Variants in RGS12 observed in about 807,000 individuals in gnomAD.
RGS12 encodes regulator of G-protein signaling 12.
Under a neutral mutation model 120.1 loss-of-function variants are expected in RGS12, and 66 were observed. That is an observed-to-expected ratio of 0.55 (90% CI 0.45 to 0.67). The LOEUF (loss-of-function observed/expected upper bound fraction) is 0.67, where lower values mean the gene tolerates loss of function less well. Ranked by LOEUF, RGS12 falls within the 30% of genes least tolerant of loss-of-function variation. The pLI is 0.00. For missense variants in RGS12, 1,859 were observed against 1,957.7 expected, an observed-to-expected ratio of 0.95 and a Z score of 0.95; for synonymous variants, 827 against 804.7, an observed-to-expected ratio of 1.03 and a Z score of -0.47.
intron 3 of RGS12, among the ~76,000 whole-genome samples, chr4:3,368,952 G>A (rs74322875): frequency 0.025 from 3,788 of 152,220 alleles, 155 homozygotes; most frequent in African/African-American, 0.082. Flanking sequence ...AAGTGGGTGG[G>A]GCCATGGTAG....
intron 3 of RGS12, among the ~76,000 whole-genome samples, chr4:3,364,488 C>A (rs1439427780): frequency 6.6e-6 from 1 of 152,080 alleles, no homozygotes; most frequent in Non-Finnish European, 1.5e-5. Context: ...AACGTCCTGC[C>A]TTTGGGAGCT....
At chr4:3,429,416 T>C (rs1343660742) in intron 16 of RGS12, among the ~76,000 whole-genome samples, 5 of 152,208 alleles carry the variant, frequency 3.3e-5, no homozygotes, top group African/African-American at 1.2e-4. Flanking sequence ...CAGCTGGCTG[T>C]GGAGTCTGAC....
At chr4:3,335,148 T>A (rs1712301227) in intron 2 of RGS12, among the ~76,000 whole-genome samples, 1 of 152,218 alleles carries the variant, frequency 6.6e-6, no homozygotes, top group South Asian at 2.1e-4. Flanking sequence ...CTTAAATGTC[T>A]TTTCATGTGT....
chr4:3,316,178 G>C lies in RGS12; in HGVS notation c.8G>C (p.Arg3Thr). 1.3e-6 allele frequency: 2 copies of C among 1,561,984 alleles called. No individual in the cohort carries two copies. Among genetic ancestry groups the C allele is most frequent in the Non-Finnish European group, 1.7e-6 (2 of 1,153,840 alleles). MFRAGEASKRPLP... is the reference protein window; with the variant it reads MFTAGEASKRPLP... The stretch of plus-strand genomic sequence containing the variant: ...TCTTGGAAGCTCATCAGAATGTTTA[G>C]AGCTGGGGAGGCCTCCAAACGCCCA... The change falls in exon 2 of 18, where the codon AGA (arginine) becomes ACA (threonine). Residue 3 changes from arginine to threonine, a missense_variant. Arg to Thr is a moderately conservative substitution (Grantham distance 71, BLOSUM62 -1). Transcript: ENST00000336727.
At chr4:3,310,879 G>A (rs17181428) in intron 1 of RGS12, among the ~76,000 whole-genome samples, 4,470 of 152,274 alleles carry the variant, frequency 0.029, 76 homozygotes, top group Non-Finnish European at 0.047. Context: ...GTAAGTGTGG[G>A]TAAGCCAAGA....
intron 10 of RGS12, 112 bp from the exon 11 acceptor site, chr4:3,422,264 G>A (rs1465761222): frequency 1.8e-5 from 19 of 1,056,534 alleles, no homozygotes; most frequent in Non-Finnish European, 2.6e-5. Flanking sequence ...ACCGTGGCAG[G>A]GCGCCAGCCT....
At chr4:3,331,760 A>G (rs79491587) in intron 2 of RGS12, among the ~76,000 whole-genome samples, 5,814 of 152,256 alleles carry the variant, frequency 0.038, 286 homozygotes, top group African/African-American at 0.12. Flanking sequence ...ATCCCCAGCG[A>G]AAGGAAGGGA....
chr4:3,328,080 C>T lies in RGS12; in HGVS notation c.1881+10029C>T, dbSNP rs540078256. Among the ~76,000 whole-genome samples, 6 of 152,344 alleles carry T rather than the reference C, an allele frequency of 3.9e-5. No individual in the cohort carries two copies. In the South Asian group the frequency reaches 1.2e-3, roughly 32 times the overall value. Reference sequence around the variant, plus strand: ...AGCCATCAAAAGAATGAAATCTTGTCTTTCACAGCCACATGGATGGAATTG... The same window carrying T: ...AGCCATCAAAAGAATGAAATCTTGTTTTTCACAGCCACATGGATGGAATTG... On this transcript the variant is annotated intron_variant, in intron 2 of 17. Coordinates refer to ENST00000336727, the MANE Select transcript of RGS12 (RefSeq NM_001394154.1).
chr4:3,368,866 C>T (rs1386484243), intron 3 of RGS12, among the ~76,000 whole-genome samples: 3 of 152,040 alleles, frequency 2.0e-5, no homozygotes, highest in East Asian at 1.9e-4. Context: ...CTGGTCTATA[C>T]GTGCTCCGCC....
intron 17 of RGS12, among the ~76,000 whole-genome samples, chr4:3,438,150 C>T: frequency 6.6e-6 from 1 of 152,134 alleles, no homozygotes; most frequent in East Asian, 1.9e-4. Context: ...GCTCTTCCTG[C>T]CTCCTGTCTG....
At chr4:3,340,845 A>G (rs1024549849) in intron 2 of RGS12, among the ~76,000 whole-genome samples, 4 of 152,128 alleles carry the variant, frequency 2.6e-5, no homozygotes, top group Non-Finnish European at 4.4e-5. Context: ...CTTAGTTTGA[A>G]AACAAGCAGT....
In RGS12 at chr4:3,430,776, G is replaced by A; in HGVS notation, c.3935G>A (p.Gly1312Asp). Residue 1312 changes from glycine to aspartate, a missense_variant, in exon 17 of 18, where the codon GGC becomes GAC. Gly to Asp is a moderately conservative substitution (Grantham distance 94, BLOSUM62 -1). Transcript: ENST00000336727. ...TCCCCCGTCTCCCTCGCGCAGGAGGGCACCGCCCAGATCTGGAAGAGGCAG... is the reference window on the plus strand; with the variant it reads ...TCCCCCGTCTCCCTCGCGCAGGAGGACACCGCCCAGATCTGGAAGAGGCAG... ...PQSPVSLAQE[G>D]TAQIWKRQSQ... 1 of 1,611,198 alleles carries A rather than the reference G, an allele frequency of 6.2e-7. No homozygotes were observed. The highest frequency in any genetic ancestry group is 1.7e-5 in the Admixed American group (1 of 59,864).
chr4:3,434,570 C>T (rs1350036075), intron 17 of RGS12, among the ~76,000 whole-genome samples: 1 of 152,192 alleles, frequency 6.6e-6, no homozygotes, highest in Non-Finnish European at 1.5e-5. Flanking sequence ...GCAGCTGTCC[C>T]TCCAGCACTG....
In RGS12 at chr4:3,413,266, C is replaced by T. The variant is rs1177545346; in HGVS notation, c.2021-806C>T. The T allele has an allele frequency of 3.3e-5, 5 of 152,410 alleles. No homozygotes were observed. The East Asian group carries it at 9.7e-4, about 30-fold the overall frequency. 9.4% of individuals were successfully genotyped at this position (152,410 alleles called of 1,614,324 possible). On this transcript the variant is annotated intron_variant, in intron 4 of 17. Transcript: ENST00000336727. ...CGGGGATTTCCTGGGGACCTCCCTT[C>T]TCTTTATTCGAGAGCTCAGGAGATA...
Position 3,366,133 on chromosome 4 carries a change from A to G in RGS12, c.1999-20283A>G, listed in dbSNP as rs967866005. On this transcript the variant is annotated intron_variant, in intron 3 of 17. Coordinates refer to ENST00000336727, the MANE Select transcript of RGS12 (RefSeq NM_001394154.1). The surrounding 1 kb of genome is among the most constrained non-coding windows in gnomAD (Gnocchi z 4.0). ...GGGCAGCACCATGACCCACCCGAGAAGGGCAATGGGGAAGGAAGGCAGGCA... is the reference window on the plus strand; with the variant it reads ...GGGCAGCACCATGACCCACCCGAGAGGGGCAATGGGGAAGGAAGGCAGGCA... Among the ~76,000 whole-genome samples the G allele has an allele frequency of 1.3e-5, 2 of 151,870 alleles. No homozygotes were observed. Among genetic ancestry groups the G allele is most frequent in the African/African-American group, 4.8e-5 (2 of 41,342 alleles).
intron 3 of RGS12, among the ~76,000 whole-genome samples, chr4:3,350,996 A>G (rs1159371033): frequency 1.3e-5 from 2 of 151,854 alleles, no homozygotes; most frequent in Admixed American, 6.6e-5. Context: ...GGATCAAATT[A>G]TATTTTTGAC....
chr4:3,364,255 G>A (rs939565181), intron 3 of RGS12, among the ~76,000 whole-genome samples: 6 of 152,132 alleles, frequency 3.9e-5, no homozygotes, highest in Non-Finnish European at 8.8e-5. Flanking sequence ...GCTGCACGTC[G>A]GGGCTCCTGG....
chr4:3,320,125 C>T (rs1242602086), intron 2 of RGS12, among the ~76,000 whole-genome samples: 1 of 152,258 alleles, frequency 6.6e-6, no homozygotes, highest in East Asian at 1.9e-4. Flanking sequence ...CCTTCACCTG[C>T]TTTCTCCTTG....
chr4:3,435,201 G>GTTTGCC lies in RGS12; in HGVS notation c.4114+4248_4115-4247dup, dbSNP rs1724691471. Among the ~76,000 whole-genome samples, 7 of 152,262 alleles carry GTTTGCC rather than the reference G, an allele frequency of 4.6e-5. No homozygotes were observed. In the South Asian group the frequency reaches 1.5e-3, roughly 32 times the overall value. On this transcript the variant is annotated intron_variant, in intron 17 of 17. Transcript: ENST00000336727. ...CTCAGCTACCTGCCAGATGTGCGAT[G>GTTTGCC]TTTGCCTGCCGGGGCTTCTGCAGCC...
Sources: gnomAD v4.1 joint callset for allele counts (sites outside exome capture counted in the v4.1 genomes callset) on GRCh38, gnomAD v4.1.1 for gene constraint, Gnocchi (gnomAD v3.1) non-coding constraint, MANE v1.5 for transcripts, NCBI Gene and HGNC (gene_info 2026-07-23, HGNC 2026-07-21) for gene names.